The following CCDC102B variants were observed in gnomAD, a reference collection of about 807,000 sequenced individuals.
CCDC102B encodes coiled-coil domain-containing protein 102B.
Under a neutral mutation model 57.4 loss-of-function variants are expected in CCDC102B, and 75 were observed. The ratio of observed to expected loss-of-function variants is 1.31; its 90% CI spans 1.08 to 1.58. CCDC102B has a LOEUF of 1.58. CCDC102B is among the 40% of genes most tolerant of loss of function. CCDC102B has a pLI of 0.00. For missense variants in CCDC102B, 636 were observed against 582.6 expected (o/e 1.09, Z -0.94); for synonymous variants, 206 against 201.9 (o/e 1.02, Z -0.17).
At chr18:68,845,805 T>G (rs1404183958) in intron 3 of CCDC102B, among the ~76,000 whole-genome samples, 3 of 151,842 alleles carry the variant, frequency 2.0e-5, no homozygotes, top group South Asian at 2.1e-4. Flanking sequence ...CAGTGAAATT[T>G]CTTTATTACA....
chr18:68,909,635 T>C (rs1447261800), intron 6 of CCDC102B, among the ~76,000 whole-genome samples: 3 of 152,160 alleles, frequency 2.0e-5, no homozygotes, highest in African/African-American at 4.8e-5. Context: ...ATACAAAATA[T>C]AATATTTTTG....
intron 6 of CCDC102B, among the ~76,000 whole-genome samples, chr18:68,976,147 A>G (rs540729626): frequency 1.3e-5 from 2 of 152,160 alleles, no homozygotes; most frequent in South Asian, 2.1e-4. Context: ...TTAGGTTTCA[A>G]GTAATTGGTA....
At chr18:68,999,531 G>C (rs1002328360) in intron 6 of CCDC102B, among the ~76,000 whole-genome samples, 1 of 152,004 alleles carries the variant, frequency 6.6e-6, no homozygotes, top group African/African-American at 2.4e-5. Flanking sequence ...CCTTTAACCT[G>C]GGAAAAAGAG....
chr18:68,923,904 A>G (rs1174515475), intron 6 of CCDC102B, among the ~76,000 whole-genome samples: 1 of 152,090 alleles, frequency 6.6e-6, no homozygotes, highest in Non-Finnish European at 1.5e-5. Flanking sequence ...CAACTATGCA[A>G]GGGATCTGTG....
intron 1 of CCDC102B, among the ~76,000 whole-genome samples, chr18:68,833,390 T>C (rs966119412): frequency 6.6e-6 from 1 of 151,710 alleles, no homozygotes; most frequent in African/African-American, 2.4e-5. Flanking sequence ...CCTGTTTTTT[T>C]TTTTTTTTTT....
At chr18:68,904,082 TTCAC>T (rs2040541211) in intron 6 of CCDC102B, among the ~76,000 whole-genome samples, 1 of 150,418 alleles carries the variant, frequency 6.6e-6, no homozygotes, top group African/African-American at 2.5e-5. Context: ...TATAAAATCA[TTCAC>T]TTAAGAATAC....
At chr18:68,754,629 T>C (rs1171907519) in intron 2 of CCDC102B, 5 of 152,030 alleles carry the variant, frequency 3.3e-5, no homozygotes, top group African/African-American at 7.3e-5. Flanking sequence ...CATGTCTCTA[T>C]TGAAAACAAA....
At chr18:69,002,825 G>A (rs2051241315) in intron 6 of CCDC102B, among the ~76,000 whole-genome samples, 1 of 151,950 alleles carries the variant, frequency 6.6e-6, no homozygotes, top group Non-Finnish European at 1.5e-5. Flanking sequence ...ACAAAAATTA[G>A]ATTCAAACTC....
chr18:68,994,297 C>A (rs917950440), intron 6 of CCDC102B, among the ~76,000 whole-genome samples: 2 of 152,050 alleles, frequency 1.3e-5, no homozygotes, highest in African/African-American at 4.8e-5. Context: ...TGTAAATATT[C>A]ATTGTATATT....
At chr18:68,884,719 AT>A (rs1307750269) in intron 5 of CCDC102B, among the ~76,000 whole-genome samples, 12 of 148,840 alleles carry the variant, frequency 8.1e-5, no homozygotes, top group Non-Finnish European at 1.3e-4. Flanking sequence ...ATCACATTAT[AT>A]ATTATTATAT....
chr18:69,012,861 G>A (rs2051556032), intron 7 of CCDC102B, among the ~76,000 whole-genome samples: 1 of 152,112 alleles, frequency 6.6e-6, no homozygotes, highest in South Asian at 2.1e-4. Context: ...CTTAGTTGAA[G>A]CTGACTGGTA....
intron 5 of CCDC102B, among the ~76,000 whole-genome samples, chr18:68,882,903 T>G (rs1440254862): frequency 1.3e-5 from 2 of 152,238 alleles, no homozygotes; most frequent in East Asian, 3.9e-4. Flanking sequence ...AACCAAATAC[T>G]GCATATTCCA....
At chr18:68,878,510 ACTCCTTTAGGAGTTGATTAAGT>A (rs2039541837) in intron 5 of CCDC102B, among the ~76,000 whole-genome samples, 1 of 151,780 alleles carries the variant, frequency 6.6e-6, no homozygotes, top group Non-Finnish European at 1.5e-5. Context: ...GGTGAAATCA[ACTCCTTTAGGAGTTGATTAAGT>A]TATGAGGGCA....
intron 4 of CCDC102B, among the ~76,000 whole-genome samples, chr18:68,848,895 A>G (rs2037993767): frequency 6.6e-6 from 1 of 152,132 alleles, no homozygotes; most frequent in Non-Finnish European, 1.5e-5. Context: ...GCTAACATTT[A>G]AAAATTAGTC....
chr18:68,763,104 T>A (rs2034308332), intron 2 of CCDC102B, among the ~76,000 whole-genome samples: 3 of 152,190 alleles, frequency 2.0e-5, no homozygotes, highest in Non-Finnish European at 4.4e-5. Context: ...CTTACCATTT[T>A]ATATAGATAA....
chr18:68,956,415 A>ATTTTATTTTAT (rs1351504724), intron 6 of CCDC102B, among the ~76,000 whole-genome samples: 5 of 34,264 alleles, frequency 1.5e-4, no homozygotes, highest in East Asian at 0.015. Context: ...TTTTATATAT[A>ATTTTATTTTAT]TTATATATAT....
intron 3 of CCDC102B, among the ~76,000 whole-genome samples, chr18:68,842,571 G>A (rs957074948): frequency 6.6e-6 from 1 of 152,120 alleles, no homozygotes; most frequent in Non-Finnish European, 1.5e-5. Context: ...TTTAAGCCAA[G>A]CCAATACCGC....
At chr18:68,942,262 T>A (rs1200058964) in intron 6 of CCDC102B, among the ~76,000 whole-genome samples, 2 of 152,124 alleles carry the variant, frequency 1.3e-5, no homozygotes, top group East Asian at 3.9e-4. Flanking sequence ...GCTGATAGGA[T>A]CAAAGATGAA....
chr18:68,945,759 A>T (rs1257726288), intron 6 of CCDC102B, among the ~76,000 whole-genome samples: 3 of 152,020 alleles, frequency 2.0e-5, no homozygotes, highest in Admixed American at 6.6e-5. Flanking sequence ...CTATGATAGG[A>T]TCCTTAAAGA....
Sources: gnomAD v4.1 joint callset for allele counts (sites outside exome capture counted in the v4.1 genomes callset) on GRCh38, gnomAD v4.1.1 for gene constraint, MANE v1.5 for transcripts, NCBI Gene and HGNC (gene_info 2026-07-23, HGNC 2026-07-21) for gene names.